The following RBMS3 variants were observed in gnomAD, a reference collection of about 807,000 sequenced individuals.
RBMS3 encodes the protein RNA binding motif single stranded interacting protein 3.
RBMS3 carries 27 observed loss-of-function variants against 66.8 expected under a neutral mutation model. The observed-to-expected ratio is 0.40, with a 90% CI of 0.30 to 0.56. The LOEUF is 0.56. RBMS3 is among the 20% of genes least tolerant of loss of function. The pLI is 0.40. For synonymous variants in RBMS3, 188 were observed against 183.0 expected (o/e 1.03, Z -0.22); for missense variants, 513 against 549.5 (o/e 0.93, Z 0.66).
chr3:29,827,839 G>A (rs1680113709), intron 6 of RBMS3, among the ~76,000 whole-genome samples: 1 of 152,116 alleles, frequency 6.6e-6, no homozygotes, highest in South Asian at 2.1e-4. Flanking sequence ...ACATAAAACA[G>A]ACCAAAAAGA....
At chr3:29,495,320 C>T (rs1368417059) in intron 3 of RBMS3, among the ~76,000 whole-genome samples, 1 of 151,752 alleles carries the variant, frequency 6.6e-6, no homozygotes, top group East Asian at 1.9e-4. Context: ...TTAGGCCATA[C>T]ACTTGGATGA....
At chr3:29,861,628 G>T (rs979399286) in intron 6 of RBMS3, among the ~76,000 whole-genome samples, 2 of 152,154 alleles carry the variant, frequency 1.3e-5, no homozygotes, top group African/African-American at 2.4e-5. Context: ...ATTGTAAACA[G>T]AAAATCAAAA....
intron 4 of RBMS3, among the ~76,000 whole-genome samples, chr3:29,641,522 T>C (rs1221817547): frequency 6.6e-6 from 1 of 152,090 alleles, no homozygotes; most frequent in African/African-American, 2.4e-5. Context: ...CCTTCCAGAA[T>C]GTTTGTGCCA....
At chr3:29,581,196 G>A (rs1375829142) in intron 3 of RBMS3, among the ~76,000 whole-genome samples, 4 of 152,144 alleles carry the variant, frequency 2.6e-5, no homozygotes, top group African/African-American at 9.7e-5. Flanking sequence ...ATCACTCACA[G>A]TAAATGGATA....
intron 6 of RBMS3, among the ~76,000 whole-genome samples, chr3:29,769,137 GGTA>G (rs1229904028): frequency 4.6e-5 from 7 of 151,806 alleles, no homozygotes; most frequent in Non-Finnish European, 8.8e-5. Context: ...GAACATTAGA[GGTA>G]GTAGTCAGGT....
intron 10 of RBMS3, among the ~76,000 whole-genome samples, chr3:29,916,856 A>C (rs1239836123): frequency 6.6e-6 from 1 of 152,078 alleles, no homozygotes; most frequent in African/African-American, 2.4e-5. Flanking sequence ...AAAGGCTGCA[A>C]ATTATAATTA....
At chr3:29,781,619 C>T (rs769967241) in intron 6 of RBMS3, among the ~76,000 whole-genome samples, 1 of 152,016 alleles carries the variant, frequency 6.6e-6, no homozygotes, top group Non-Finnish European at 1.5e-5. Flanking sequence ...GCTAATGCTA[C>T]CTCTTATATA....
chr3:29,299,582 GA>G (rs544263201), intron 1 of RBMS3, among the ~76,000 whole-genome samples: 40 of 150,608 alleles, frequency 2.7e-4, no homozygotes, highest in Non-Finnish European at 4.6e-4. Context: ...GAAATTATTT[GA>G]AAAAAAATTA....
At chr3:29,981,036 C>A (rs943013692) in intron 12 of RBMS3, among the ~76,000 whole-genome samples, 11 of 152,138 alleles carry the variant, frequency 7.2e-5, no homozygotes, top group African/African-American at 2.4e-4. Flanking sequence ...TGGCTATTTT[C>A]ATGATATTGA....
rs2031802502 is a variant in RBMS3, at chr3:29,281,732, C to G, written c.51C>G (p.Tyr17Ter). The G allele has an allele frequency of 6.2e-7, 1 of 1,613,338 alleles. No homozygotes were observed. The highest frequency in any genetic ancestry group is 8.5e-7 in the Non-Finnish European group (1 of 1,179,620). ...AAATGTACCCCCAGTACACTTACTA[C>G]TATCCTCATTATCTCCAAACCAAGG... is the stretch of plus-strand genomic sequence containing the variant. ...QPQMYPQYTY[Y>*]YPHYLQTKQS... Residue 17 changes from tyrosine to a stop codon, truncating the protein, a stop_gained, in exon 1 of 15, where the codon TAC (tyrosine) becomes TAG (stop). Transcript: ENST00000383767. LOFTEE classifies it high-confidence loss of function.
At chr3:29,624,477 C>T (rs79705018) in intron 4 of RBMS3, among the ~76,000 whole-genome samples, 11,008 of 152,018 alleles carry the variant, frequency 0.072, 440 homozygotes, top group Non-Finnish European at 0.081. Flanking sequence ...TGCTGAAAAT[C>T]GAGTCCATAA....
At chr3:29,573,126 TA>T (rs2046999150) in intron 3 of RBMS3, among the ~76,000 whole-genome samples, 1 of 152,156 alleles carries the variant, frequency 6.6e-6, no homozygotes, top group African/African-American at 2.4e-5. Flanking sequence ...TATTCTTTTT[TA>T]TTTTTTCTTT....
At position 30,003,970 on chromosome 3, in the gene RBMS3, G is replaced by T. The variant is rs76834254; in HGVS notation, c.*108G>T. On this transcript the variant is annotated 3_prime_UTR_variant, in exon 15 of 15. Transcript: ENST00000383767. The stretch of plus-strand genomic sequence containing the variant: ...AGACGTCAATGGAATGCATTTTTTT[G>T]TTGTTGTTGTTGTTTTTTTTTTAGT... The T allele has an allele frequency of 1.0e-3, 988 of 945,240 alleles. 2 individuals carry two copies. In the African/African-American group the frequency reaches 0.012, roughly 12 times the overall value. 58.6% of individuals were successfully genotyped at this position (945,240 alleles called of 1,614,324 possible).
chr3:29,567,210 C>T (rs2046774957), intron 3 of RBMS3, among the ~76,000 whole-genome samples: 1 of 152,142 alleles, frequency 6.6e-6, no homozygotes, highest in South Asian at 2.1e-4. Context: ...AAGAACCTCA[C>T]TGAGCATTTG....
intron 1 of RBMS3, among the ~76,000 whole-genome samples, chr3:29,411,567 A>T (rs530735593): frequency 6.2e-4 from 94 of 152,294 alleles, no homozygotes; most frequent in African/African-American, 2.2e-3. Flanking sequence ...ATTTGCTAAT[A>T]ATGTTGTGTT....
chr3:29,743,497 C>T (rs938801871), intron 5 of RBMS3, among the ~76,000 whole-genome samples: 1 of 152,172 alleles, frequency 6.6e-6, no homozygotes, highest in Non-Finnish European at 1.5e-5. Context: ...ATGCAAATTT[C>T]CTGCCCCCAA....
intron 2 of RBMS3, among the ~76,000 whole-genome samples, chr3:29,455,991 A>G (rs921032677): frequency 6.6e-6 from 1 of 152,132 alleles, no homozygotes; most frequent in Non-Finnish European, 1.5e-5. Context: ...TGACCTCAAA[A>G]CTGCTGTGAG....
chr3:29,500,141 A>G (rs895375815), intron 3 of RBMS3, among the ~76,000 whole-genome samples: 32 of 151,588 alleles, frequency 2.1e-4, no homozygotes, highest in South Asian at 1.2e-3. Flanking sequence ...TAGTATTAAG[A>G]CACTGTGGCA....
At chr3:29,452,109 C>A (rs17023546) in intron 2 of RBMS3, among the ~76,000 whole-genome samples, 1 of 151,988 alleles carries the variant, frequency 6.6e-6, no homozygotes, top group South Asian at 2.1e-4. Flanking sequence ...TTAGGCATGA[C>A]GTCAGATAAC....
Sources: gnomAD v4.1 joint callset for allele counts (sites outside exome capture counted in the v4.1 genomes callset) on GRCh38, gnomAD v4.1.1 for gene constraint, MANE v1.5 for transcripts, NCBI Gene and HGNC (gene_info 2026-07-23, HGNC 2026-07-21) for gene names.